AASDH: variants seen among roughly 807,000 people sequenced by gnomAD.
The protein encoded by AASDH is beta-alanine-activating enzyme.
AASDH carries 81 observed loss-of-function variants against 102.3 expected under a neutral mutation model. The ratio of observed to expected loss-of-function variants is 0.79; its 90% CI spans 0.66 to 0.95. The LOEUF (loss-of-function observed/expected upper bound fraction) is 0.95, where lower values mean the gene tolerates loss of function less well. Among genes scored for constraint, AASDH ranks in the 40% least tolerant of loss-of-function variants. AASDH has a pLI of 0.00. For synonymous variants in AASDH, 398 were observed against 454.0 expected (o/e 0.88, Z 1.57); for missense variants, 1,203 against 1,266.2 (o/e 0.95, Z 0.76).
intron 4 of AASDH, among the ~76,000 whole-genome samples, chr4:56,372,646 A>C (rs1222344186): frequency 6.6e-6 from 1 of 152,174 alleles, no homozygotes; most frequent in Non-Finnish European, 1.5e-5. Context: ...ATAACTATGT[A>C]TATGGTGTCT....
Position 56,386,547 on chromosome 4 carries a change from A to C in AASDH, c.-43+815T>G, listed in dbSNP as rs956791219. Among the ~76,000 whole-genome samples the C allele has an allele frequency of 2.6e-5, 4 of 151,418 alleles. No individual in the cohort carries two copies. In the East Asian group the frequency reaches 7.8e-4, roughly 29 times the overall value. Reference sequence around the variant, plus strand: ...GGTGGCTCACGCCTGTAATCCCAGCACTTTGGGAGGCCGAGGCGGGTGGAT... The same window carrying C: ...GGTGGCTCACGCCTGTAATCCCAGCCCTTTGGGAGGCCGAGGCGGGTGGAT... On this transcript the variant is annotated intron_variant, in intron 1 of 14. Coordinates refer to ENST00000205214, the MANE Select transcript of AASDH (RefSeq NM_181806.4).
rs551936597 is a variant in AASDH, at chr4:56,378,605, G to A, written c.352-141C>T. On this transcript the variant is annotated intron_variant, in intron 3 of 14. Coordinates refer to ENST00000205214, the MANE Select transcript of AASDH (RefSeq NM_181806.4). ...AGGATCATCTCAGATACCAAAATCT[G>A]AAGATGCTCAAGTCCCTTATATAAA... 8.3e-5 allele frequency: 61 copies of A among 733,222 alleles called. No homozygotes were observed. The East Asian group carries it at 1.6e-3, about 19-fold the overall frequency. The allele number at this position is 733,222 out of a possible 1,614,324, so 45.4% of individuals were successfully genotyped here. A position where few individuals can be genotyped will look rare whatever the true frequency, so the allele number is the denominator to read the frequency against.
chr4:56,341,929 T>C (rs1446158764), intron 14 of AASDH, among the ~76,000 whole-genome samples: 1 of 151,166 alleles, frequency 6.6e-6, no homozygotes, highest in African/African-American at 2.4e-5. Flanking sequence ...CTGGGCAACA[T>C]GGTGAAACCC....
In AASDH at chr4:56,382,427, T is replaced by C. The variant is rs376064382; in HGVS notation, c.351+50A>G. 61 of 1,464,436 alleles carry C rather than the reference T, an allele frequency of 4.2e-5. No individual in the cohort carries two copies. The African/African-American group carries it at 6.5e-4, about 16-fold the overall frequency. 90.7% of individuals were successfully genotyped at this position (1,464,436 alleles called of 1,614,324 possible). A position where few individuals can be genotyped will look rare whatever the true frequency, so the allele number is the denominator to read the frequency against. ...ATGGGAGAAGGAAGGAATGTTTCAATTGAAATAAATGTAATACAGGCAAAA... is the reference window on the plus strand; with the variant it reads ...ATGGGAGAAGGAAGGAATGTTTCAACTGAAATAAATGTAATACAGGCAAAA... On this transcript the variant is annotated intron_variant, in intron 3 of 14. Transcript: ENST00000205214.
At chr4:56,363,661 C>T (rs1223019198) in intron 5 of AASDH, among the ~76,000 whole-genome samples, 1 of 152,162 alleles carries the variant, frequency 6.6e-6, no homozygotes, top group Non-Finnish European at 1.5e-5. Flanking sequence ...AGCTGGGGGT[C>T]CTGACTGTTG....
At chr4:56,339,165 T>A (rs182428526) in intron 14 of AASDH, among the ~76,000 whole-genome samples, 1,952 of 152,006 alleles carry the variant, frequency 0.013, 20 homozygotes, top group Non-Finnish European at 0.021. Context: ...TATTATTATT[T>A]TTTTTTGAGA....
rs139350155 is a variant in AASDH at position 56,350,177 on chromosome 4, G to A, written c.1693-119C>T. The stretch of plus-strand genomic sequence containing the variant: ...ACATTAATAATTAGAAATATAGGTC[G>A]GGTACAGTGGCTCACGCCTGTAATC... On this transcript the variant is annotated intron_variant, in intron 10 of 14. Transcript: ENST00000205214. 1.5e-4 allele frequency: 143 copies of A among 955,030 alleles called. No individual in the cohort carries two copies. The East Asian group carries it at 3.6e-3, about 24-fold the overall frequency. 59.2% of individuals were successfully genotyped at this position (955,030 alleles called of 1,614,324 possible).
At chr4:56,351,502 A>G (rs755479500) in intron 9 of AASDH, 45 bp from the exon 10 acceptor site, 1 of 1,120,652 alleles carries the variant, frequency 8.9e-7, no homozygotes, top group African/African-American at 1.6e-5. Flanking sequence ...ACATTTTAAA[A>G]TTTCACTCAA....
chr4:56,386,781 C>CAGAGCG (rs1165162531), intron 1 of AASDH, among the ~76,000 whole-genome samples: 1 of 99,300 alleles, frequency 1.0e-5, no homozygotes, highest in Middle Eastern at 0.012. Context: ...GCCTGGGCGA[C>CAGAGCG]AGAGCGAGAC....
intron 9 of AASDH, among the ~76,000 whole-genome samples, chr4:56,352,773 C>A (rs1749152040): frequency 6.6e-6 from 1 of 152,184 alleles, no homozygotes; most frequent in Admixed American, 6.5e-5. Flanking sequence ...TTTATATCAT[C>A]AGCTCCCCTG....
chr4:56,343,027 A>G, intron 13 of AASDH, 61 bp from the exon 14 acceptor site: 1 of 1,419,802 alleles, frequency 7.0e-7, no homozygotes, highest in Non-Finnish European at 9.3e-7. Flanking sequence ...GTTACCCTTT[A>G]AAAAACAAAC....
At chr4:56,348,475 G>A (rs1024187516) in intron 11 of AASDH, among the ~76,000 whole-genome samples, 4 of 152,048 alleles carry the variant, frequency 2.6e-5, no homozygotes, top group African/African-American at 4.8e-5. Flanking sequence ...GGCTGGTCTC[G>A]AACTCCTGGG....
At chr4:56,370,997 C>T (rs1386310767) in intron 5 of AASDH, among the ~76,000 whole-genome samples, 1 of 152,104 alleles carries the variant, frequency 6.6e-6, no homozygotes, top group South Asian at 2.1e-4. Flanking sequence ...ATTTAAATAA[C>T]ATTTTAAAAG....
At chr4:56,381,649 T>TCTCACACACATACACACACACACA (rs3223650) in intron 3 of AASDH, 60 of 142,374 alleles carry the variant, frequency 4.2e-4, no homozygotes, top group African/African-American at 1.6e-3. Context: ...TTGACACTTC[T>TCTCACACACATACACACACACACA]CACACACACA....
At chr4:56,363,158 C>T (rs551151938) in intron 5 of AASDH, among the ~76,000 whole-genome samples, 20 of 152,336 alleles carry the variant, frequency 1.3e-4, no homozygotes, top group South Asian at 4.1e-4. Flanking sequence ...AACCGCAAGG[C>T]GGCAGCGAGG....
At chr4:56,360,322 T>C (rs1250512205) in intron 5 of AASDH, among the ~76,000 whole-genome samples, 3 of 152,198 alleles carry the variant, frequency 2.0e-5, no homozygotes, top group Non-Finnish European at 4.4e-5. Context: ...AGAAGAGCTG[T>C]TGACCTCTCA....
chr4:56,341,293 TGTA>T (rs1460454331), intron 14 of AASDH, among the ~76,000 whole-genome samples: 1 of 151,504 alleles, frequency 6.6e-6, no homozygotes, highest in Non-Finnish European at 1.5e-5. Context: ...ATAAAGAAAA[TGTA>T]GTATATATAG....
intron 5 of AASDH, among the ~76,000 whole-genome samples, chr4:56,357,742 A>G (rs1749792291): frequency 6.6e-6 from 1 of 151,662 alleles, no homozygotes; most frequent in Non-Finnish European, 1.5e-5. Context: ...ACTCAACATA[A>G]TAGATACAAT....
At chr4:56,384,024 C>T (rs750953787) in intron 2 of AASDH, 46 bp downstream of exon 2, 2 of 1,498,630 alleles carry the variant, frequency 1.3e-6, no homozygotes, top group South Asian at 2.3e-5. Flanking sequence ...TAAAAATTTA[C>T]ATTAGCTTGG....
Sources: allele counts gnomAD v4.1 joint callset (sites outside exome capture counted in the v4.1 genomes callset), GRCh38; gene constraint gnomAD v4.1.1; transcripts MANE v1.5; gene names NCBI Gene and HGNC (gene_info 2026-07-23, HGNC 2026-07-21).